Variants in STX1A observed in about 807,000 individuals in gnomAD.
The protein encoded by STX1A is syntaxin-1A.
Under a neutral mutation model 37.8 loss-of-function variants are expected in STX1A, and 4 were observed. The ratio of observed to expected loss-of-function variants is 0.11; its 90% confidence interval spans 0.05 to 0.24. The LOEUF is 0.24. Among genes scored for constraint, STX1A ranks in the 10% least tolerant of loss-of-function variants. The pLI is 1.00. For missense variants in STX1A, 251 were observed against 399.9 expected, an observed-to-expected ratio of 0.63 and a Z score of 3.18; for synonymous variants, 135 against 147.4, an observed-to-expected ratio of 0.92 and a Z score of 0.61.
At chr7:73,701,810 C>G (rs782216140) in intron 8 of STX1A, among the ~76,000 whole-genome samples, 1 of 152,238 alleles carries the variant, frequency 6.6e-6, no homozygotes, top group African/African-American at 2.4e-5. Context: ...TCCAACCTGG[C>G]TGGGTGCTGT....
chr7:73,706,822 C>T lies in STX1A; in HGVS notation c.209-1598G>A, dbSNP rs1049535976. Among the ~76,000 whole-genome samples, 7 of 152,212 alleles carry T rather than the reference C, an allele frequency of 4.6e-5. No individual in the cohort carries two copies. The highest frequency in any genetic ancestry group is 7.2e-5 in the African/African-American group (3 of 41,452). The stretch of plus-strand genomic sequence containing the variant: ...AGATACCTCTGGGCGCACAGACATC[C>T]GTCTCATGCTGCCATCCAACAAATC... On this transcript the variant is annotated intron_variant, in intron 3 of 9. Coordinates refer to ENST00000222812, the MANE Select transcript of STX1A (RefSeq NM_004603.4). This position sits in a 1 kb window ranked among gnomAD's most constrained non-coding sequence, Gnocchi z 4.6.
chr7:73,719,530 C>T, intron 1 of STX1A, 72 bp downstream of exon 1: 3 of 1,182,704 alleles, frequency 2.5e-6, no homozygotes, highest in Middle Eastern at 3.4e-4. Context: ...CCGCGGGAGC[C>T]GGGCGGGAAG....
chr7:73,718,610 G>C (rs1799374800), intron 1 of STX1A, among the ~76,000 whole-genome samples: 2 of 152,032 alleles, frequency 1.3e-5, no homozygotes, highest in East Asian at 3.9e-4. Context: ...CTTGAGCCTT[G>C]ATCCACCCCC....
chr7:73,708,262 CAA>C (rs1157786155), intron 3 of STX1A, among the ~76,000 whole-genome samples: 23 of 49,784 alleles, frequency 4.6e-4, no homozygotes, highest in South Asian at 1.3e-3. Flanking sequence ...GACTCCATCT[CAA>C]AAAAAAAAAA....
chr7:73,708,523 C>T (rs1311206357), intron 3 of STX1A, 66 bp downstream of exon 3: 14 of 1,506,300 alleles, frequency 9.3e-6, no homozygotes, highest in Non-Finnish European at 1.3e-5. Context: ...CGTGAGGCCT[C>T]CCTGGCAGCA....
intron 1 of STX1A, among the ~76,000 whole-genome samples, chr7:73,718,745 G>T (rs1554619100): frequency 6.6e-6 from 1 of 151,996 alleles, no homozygotes; most frequent in Non-Finnish European, 1.5e-5. Context: ...AGGCTGCAGG[G>T]GTCTCTGGGC....
chr7:73,710,626 T>A (rs1410530621), intron 1 of STX1A, among the ~76,000 whole-genome samples: 1 of 152,170 alleles, frequency 6.6e-6, no homozygotes, highest in African/African-American at 2.4e-5. Flanking sequence ...GGTTTCACTA[T>A]GTTGGCCAGG....
At chr7:73,712,573 C>T (rs1254955604) in intron 1 of STX1A, among the ~76,000 whole-genome samples, 1 of 152,070 alleles carries the variant, frequency 6.6e-6, no homozygotes, top group South Asian at 2.1e-4. Flanking sequence ...CCTGAAAAGT[C>T]CCCCTGGCTT....
chr7:73,718,154 A>T (rs959473499), intron 1 of STX1A, among the ~76,000 whole-genome samples: 2 of 152,156 alleles, frequency 1.3e-5, no homozygotes, highest in African/African-American at 4.8e-5. Context: ...CTTGAGGGCA[A>T]CCACAGGGGC....
chr7:73,705,528 C>T lies in STX1A; in HGVS notation c.209-304G>A. 2.9e-6 allele frequency: 1 copy of T among 342,924 alleles called. No individual in the cohort carries two copies. The highest frequency in any genetic ancestry group is 5.5e-6 in the Non-Finnish European group (1 of 183,180). The allele number at this position is 342,924 out of a possible 1,614,324, so 21.2% of individuals were successfully genotyped here. A position where few individuals can be genotyped will look rare whatever the true frequency, so the allele number is the denominator to read the frequency against. ...ATTTAAGGCAGAAGTAATTGTGGAG[C>T]AGCTGGCGATGCTGGAGTTGGCGCC... is the stretch of plus-strand genomic sequence containing the variant. On this transcript the variant is annotated intron_variant, in intron 3 of 9. Coordinates refer to ENST00000222812, the MANE Select transcript of STX1A (RefSeq NM_004603.4). The surrounding 1 kb of genome is among the most constrained non-coding windows in gnomAD (Gnocchi z 5.2).
chr7:73,716,065 T>C (rs1404085637), intron 1 of STX1A, among the ~76,000 whole-genome samples: 2 of 152,210 alleles, frequency 1.3e-5, no homozygotes, highest in East Asian at 1.9e-4. Context: ...CACCTGGCCC[T>C]TTCTGGACCT....
In STX1A at chr7:73,705,596, G is replaced by A; in HGVS notation, c.209-372C>T. ...GCTTGCTGGAGTTGAAGGGGTGGGG[G>A]GGCGGTGTGGGCTCACCTGGTGTTA... On this transcript the variant is annotated intron_variant, in intron 3 of 9. Transcript: ENST00000222812. This position sits in a 1 kb window ranked among gnomAD's most constrained non-coding sequence, Gnocchi z 5.2. 3.7e-6 allele frequency: 1 copy of A among 273,184 alleles called. No individual in the cohort carries two copies. Among genetic ancestry groups the A allele is most frequent in the East Asian group, 1.0e-4 (1 of 9,922 alleles). 16.9% of individuals were successfully genotyped at this position (273,184 alleles called of 1,614,324 possible). A position where few individuals can be genotyped will look rare whatever the true frequency, so the allele number is the denominator to read the frequency against.
rs1237371237 is a variant in STX1A, at chr7:73,701,319, C to T, written c.679-479G>A. The T allele has an allele frequency of 5.4e-5, 12 of 222,312 alleles. No individual in the cohort carries two copies. The South Asian group carries it at 1.2e-3, about 23-fold the overall frequency. The allele number at this position is 222,312 out of a possible 1,614,324, so 13.8% of individuals were successfully genotyped here. A position where few individuals can be genotyped will look rare whatever the true frequency, so the allele number is the denominator to read the frequency against. On this transcript the variant is annotated intron_variant, in intron 8 of 9. Coordinates refer to ENST00000222812, the MANE Select transcript of STX1A (RefSeq NM_004603.4). ...GTCTTTAAGAACTTGAAGTCAGGTT[C>T]GAGACCATCCTGGCCAACATGGTGA...
rs749985134 is a variant in STX1A, at chr7:73,706,871, G to C, written c.209-1647C>G. Among the ~76,000 whole-genome samples, 10 of 152,190 alleles carry C rather than the reference G, an allele frequency of 6.6e-5. No individual in the cohort carries two copies. The highest frequency in any genetic ancestry group is 1.5e-4 in the Non-Finnish European group (10 of 68,024). On this transcript the variant is annotated intron_variant, in intron 3 of 9. Coordinates refer to ENST00000222812, the MANE Select transcript of STX1A (RefSeq NM_004603.4). This position sits in a 1 kb window ranked among gnomAD's most constrained non-coding sequence, Gnocchi z 4.6. ...TCTCTCAGGCAAGGAGCTCAGCGTG[G>C]TGAGCCCTGGGCGTCCCTCTCTCCC... is the stretch of plus-strand genomic sequence containing the variant.
rs556823436 is a variant in STX1A at position 73,718,519 on chromosome 7, TG to T, written c.30+1082del. Among the ~76,000 whole-genome samples, 971 of 151,532 alleles carry T rather than the reference TG, an allele frequency of 6.4e-3. 6 individuals are homozygous for T. Among genetic ancestry groups the T allele is most frequent in the Non-Finnish European group, 9.5e-3 (641 of 67,830 alleles). ...CTAGCCCAGGGAGCGGGGTGGGGGG[TG>T]CTCCCAGGGATCAGCAGGCAGGGCT... is the stretch of plus-strand genomic sequence containing the variant. On this transcript the variant is annotated intron_variant, in intron 1 of 9. Transcript: ENST00000222812.
intron 1 of STX1A, among the ~76,000 whole-genome samples, chr7:73,718,390 G>A (rs990797610): frequency 8.5e-5 from 13 of 152,264 alleles, no homozygotes; most frequent in African/African-American, 3.1e-4. Context: ...GGGCAGACAG[G>A]CTCCAACTCA....
Position 73,708,931 on chromosome 7 carries a change from C to T in STX1A, c.108+114G>A, listed in dbSNP as rs562890697. The T allele has an allele frequency of 2.2e-4, 271 of 1,205,798 alleles. 1 individual carries two copies. The highest frequency in any genetic ancestry group is 3.1e-4 in the Admixed American group (18 of 58,410). 74.7% of individuals were successfully genotyped at this position (1,205,798 alleles called of 1,614,324 possible). On this transcript the variant is annotated intron_variant, in intron 2 of 9. Coordinates refer to ENST00000222812, the MANE Select transcript of STX1A (RefSeq NM_004603.4). ...CAAAACGGTTCATTCGTTGGCACCC[C>T]GGAGCTGCTGAGCCAGGTGCAGGTG...
intron 1 of STX1A, among the ~76,000 whole-genome samples, chr7:73,713,521 G>C (rs1386008306): frequency 6.6e-6 from 1 of 152,224 alleles, no homozygotes; most frequent in African/African-American, 2.4e-5. Flanking sequence ...TTGAGTCCAG[G>C]AGTTTGAGAC....
At chr7:73,701,693 C>T (rs529488693) in intron 8 of STX1A, among the ~76,000 whole-genome samples, 6 of 152,296 alleles carry the variant, frequency 3.9e-5, no homozygotes, top group Admixed American at 2.0e-4. Context: ...CCTTCACTGG[C>T]GTCCACGTCA....
Sources: allele counts gnomAD v4.1 joint callset (sites outside exome capture counted in the v4.1 genomes callset), GRCh38; gene constraint gnomAD v4.1.1; non-coding constraint Gnocchi (gnomAD v3.1); transcripts MANE v1.5; gene names NCBI Gene and HGNC (gene_info 2026-07-23, HGNC 2026-07-21).